The following MR1 variants were observed in gnomAD, a reference collection of about 807,000 sequenced individuals.
MR1 encodes major histocompatibility complex, class I-related, also known as major histocompatibility complex class I-related protein 1.
A neutral mutation model predicts 37.8 loss-of-function variants in MR1; 44 were observed. The observed-to-expected ratio is 1.16, with a 90% CI of 0.91 to 1.50. The LOEUF (loss-of-function observed/expected upper bound fraction) is 1.50. Ranked by LOEUF, MR1 falls within the 40% of genes most tolerant of loss-of-function variation. The pLI, the probability that MR1 is intolerant of heterozygous loss-of-function variation, is 0.00. For missense variants in MR1, 386 were observed against 419.1 expected (o/e 0.92, Z 0.69); for synonymous variants, 153 against 155.8 (o/e 0.98, Z 0.13).
chr1:181,050,012 G>T lies in MR1; in HGVS notation c.330G>T (p.Gly110=), dbSNP rs1157541957. The change falls in exon 3 of 6, where the codon GGG becomes GGT. Residue 110 remains glycine, a splice_region_variant and synonymous_variant. Transcript: ENST00000367580. The part of the protein sequence containing the change: ...KRLQRHYNHS[G]SHTYQRMIGC... ...TCTGGGCTTCTGTGTGTGTTCCAGG[G>T]TCTCACACTTACCAGAGAATGATTG... The T allele has an allele frequency of 6.2e-7, 1 of 1,611,924 alleles. No individual in the cohort carries two copies. Among genetic ancestry groups the T allele is most frequent in the Non-Finnish European group, 8.5e-7 (1 of 1,179,748 alleles).
chr1:181,041,013 C>A (rs1657524302), intron 1 of MR1, among the ~76,000 whole-genome samples: 1 of 151,866 alleles, frequency 6.6e-6, no homozygotes, highest in African/African-American at 2.4e-5. Context: ...ACCTGGGAGG[C>A]AGAGGTTGCA....
At chr1:181,037,438 T>C (rs574614479) in intron 1 of MR1, among the ~76,000 whole-genome samples, 5 of 152,362 alleles carry the variant, frequency 3.3e-5, no homozygotes, top group African/African-American at 1.2e-4. Context: ...GCCCTCTTCT[T>C]AATTGGCATT....
rs142916073 is a variant in MR1, at chr1:181,060,616, A to G, written c.*5351A>G. 1 of 152,320 alleles carries G rather than the reference A, an allele frequency of 6.6e-6. No homozygotes were observed. Among genetic ancestry groups the G allele is most frequent in the East Asian group, 1.9e-4 (1 of 5,188 alleles). The allele number at this position is 152,320 out of a possible 1,614,324, so 9.4% of individuals were successfully genotyped here. A position where few individuals can be genotyped will look rare whatever the true frequency, so the allele number is the denominator to read the frequency against. ...GGGAGCATTTGGGGGCAGGAGGCAA[A>G]TGTTCTTCCTTTAAATCACAACACT... On this transcript the variant is annotated 3_prime_UTR_variant, in exon 6 of 6. Coordinates refer to ENST00000367580, the MANE Select transcript of MR1 (RefSeq NM_001385161.1).
At chr1:181,048,341 C>T (rs1436972278) in intron 1 of MR1, among the ~76,000 whole-genome samples, 1 of 152,096 alleles carries the variant, frequency 6.6e-6, no homozygotes, top group Non-Finnish European at 1.5e-5. Context: ...TGAGACCAGC[C>T]TGGCCAACAT....
chr1:181,039,355 C>T (rs1033126854), intron 1 of MR1, among the ~76,000 whole-genome samples: 21 of 152,324 alleles, frequency 1.4e-4, no homozygotes, highest in African/African-American at 4.6e-4. Flanking sequence ...CATGGGACCA[C>T]GGTCTCTCTT....
intron 1 of MR1, among the ~76,000 whole-genome samples, chr1:181,036,448 A>T (rs1337526417): frequency 6.6e-6 from 1 of 152,188 alleles, no homozygotes; most frequent in Non-Finnish European, 1.5e-5. Context: ...GGAAAAGGAT[A>T]TGAGATTATG....
chr1:181,059,039 C>T lies in MR1; in HGVS notation c.*3774C>T, dbSNP rs904751436. On this transcript the variant is annotated 3_prime_UTR_variant, in exon 6 of 6. Coordinates refer to ENST00000367580, the MANE Select transcript of MR1 (RefSeq NM_001385161.1). ...TTCTCACACACAGTGTATTAGTTCA[C>T]AGAATGTTCTCCAAGGAGGACAGGG... is the stretch of plus-strand genomic sequence containing the variant. 1.3e-5 allele frequency: 2 copies of T among 152,236 alleles called. No homozygotes were observed. The highest frequency in any genetic ancestry group is 2.4e-5 in the African/African-American group (1 of 41,464). 9.4% of individuals were successfully genotyped at this position (152,236 alleles called of 1,614,324 possible). A position where few individuals can be genotyped will look rare whatever the true frequency, so the allele number is the denominator to read the frequency against.
Position 181,057,216 on chromosome 1 carries a change from A to G in MR1, c.*1951A>G, listed in dbSNP as rs1254217511. On this transcript the variant is annotated 3_prime_UTR_variant, in exon 6 of 6. Transcript: ENST00000367580. ...TCCACTGTCCCATGTAATTCCATAT[A>G]TGAAGCTACCACTGTACATCTCTCT... is the stretch of plus-strand genomic sequence containing the variant. The G allele has an allele frequency of 1.3e-5, 2 of 152,112 alleles. No homozygotes were observed. Among genetic ancestry groups the G allele is most frequent in the Non-Finnish European group, 2.9e-5 (2 of 68,052 alleles). The allele number at this position is 152,112 out of a possible 1,614,324, so 9.4% of individuals were successfully genotyped here.
intron 1 of MR1, 26 bp downstream of exon 1, chr1:181,034,100 C>T (rs1197625057): frequency 1.2e-6 from 2 of 1,602,880 alleles, no homozygotes; most frequent in South Asian, 2.2e-5. Flanking sequence ...CCTCTTCTCT[C>T]CTAACTCCAA....
At chr1:181,044,068 A>G (rs1316891470) in intron 1 of MR1, among the ~76,000 whole-genome samples, 1 of 145,216 alleles carries the variant, frequency 6.9e-6, no homozygotes, top group East Asian at 2.0e-4. Context: ...GGTTCACACC[A>G]TTCTCCTGCC....
chr1:181,050,041 G>A lies in MR1; in HGVS notation c.359G>A (p.Cys120Tyr). 6.2e-7 allele frequency: 1 copy of A among 1,613,182 alleles called. No homozygotes were observed. The highest frequency in any genetic ancestry group is 1.1e-5 in the South Asian group (1 of 91,044). The change falls in exon 3 of 6, where the codon TGT (cysteine) becomes TAT (tyrosine). Residue 120 changes from cysteine (C) to tyrosine (Y), a missense_variant. Physicochemically the swap from Cys to Tyr is radical, Grantham distance 194 (BLOSUM62 -2). Coordinates refer to ENST00000367580, the MANE Select transcript of MR1 (RefSeq NM_001385161.1). ...CACACTTACCAGAGAATGATTGGCT[G>A]TGAGCTGCTGGAGGATGGAAGCACC... The part of the protein sequence containing the change: ...GSHTYQRMIG[C>Y]ELLEDGSTTG...
chr1:181,045,225 G>T (rs1463219306), intron 1 of MR1, among the ~76,000 whole-genome samples: 1 of 152,208 alleles, frequency 6.6e-6, no homozygotes, highest in Non-Finnish European at 1.5e-5. Flanking sequence ...GAAGGATTTA[G>T]ATGGGTCAGA....
At chr1:181,039,865 CA>C (rs35762032) in intron 1 of MR1, among the ~76,000 whole-genome samples, 910 of 89,724 alleles carry the variant, frequency 0.01, 5 homozygotes, top group Non-Finnish European at 0.015. Flanking sequence ...GACTCCATCT[CA>C]AAAAAAAAAA....
chr1:181,039,863 C>G (rs1204174427), intron 1 of MR1, among the ~76,000 whole-genome samples: 2 of 114,770 alleles, frequency 1.7e-5, no homozygotes, highest in African/African-American at 7.8e-5. Context: ...GAGACTCCAT[C>G]TCAAAAAAAA....
rs942211246 is a variant in MR1 at position 181,058,618 on chromosome 1, G to C, written c.*3353G>C. The C allele has an allele frequency of 6.6e-6, 1 of 151,656 alleles. No homozygotes were observed. The highest frequency in any genetic ancestry group is 1.5e-5 in the Non-Finnish European group (1 of 67,914). 9.4% of individuals were successfully genotyped at this position (151,656 alleles called of 1,614,324 possible). On this transcript the variant is annotated 3_prime_UTR_variant, in exon 6 of 6. Transcript: ENST00000367580. ...ACTTGGTTTCTCCTCTTCTTTTTTT[G>C]GCCTGAGAGAAGATGTTTTTGCACT...
At chr1:181,041,745 C>A (rs1657564174) in intron 1 of MR1, among the ~76,000 whole-genome samples, 1 of 152,206 alleles carries the variant, frequency 6.6e-6, no homozygotes, top group Non-Finnish European at 1.5e-5. Flanking sequence ...TTGTGGGAAA[C>A]CTTCCTTAAT....
intron 3 of MR1, 148 bp downstream of exon 3, chr1:181,050,434 A>G (rs2102396579): frequency 2.0e-6 from 2 of 1,006,032 alleles, no homozygotes; most frequent in East Asian, 5.2e-5. Flanking sequence ...CCCCCACGAA[A>G]ACTTTCCCTG....
Position 181,055,290 on chromosome 1 carries a change from T to C in MR1, c.*25T>C, listed in dbSNP as rs1571403276. 1 of 1,604,088 alleles carries C rather than the reference T, an allele frequency of 6.2e-7. No homozygotes were observed. The highest frequency in any genetic ancestry group is 1.1e-5 in the South Asian group (1 of 90,782). ...ATTGCAGATCCCTCTTTTCCAGTTC[T>C]CCTTCCTCTAGGAGCCATGTTATCC... On this transcript the variant is annotated 3_prime_UTR_variant, in exon 6 of 6. Transcript: ENST00000367580.
intron 3 of MR1, 46 bp from the exon 4 acceptor site, chr1:181,052,189 T>G: frequency 6.3e-7 from 1 of 1,591,684 alleles, no homozygotes; most frequent in Admixed American, 1.8e-5. Context: ...TATTATATGC[T>G]CAGTACATAA....
Sources: allele counts gnomAD v4.1 joint callset (sites outside exome capture counted in the v4.1 genomes callset), GRCh38; gene constraint gnomAD v4.1.1; transcripts MANE v1.5; gene names NCBI Gene and HGNC (gene_info 2026-07-23, HGNC 2026-07-21).